Variants in SPMIP2 observed in about 807,000 individuals in gnomAD.
The protein encoded by SPMIP2 is sperm microtubule inner protein 2.
chr4:158,927,130 C>T, the SPMIP2 span, among the ~76,000 whole-genome samples: 3 of 152,168 alleles, frequency 2.0e-5, no homozygotes, highest in African/African-American at 7.2e-5. Flanking sequence ...GTTAGGTACA[C>T]ATTTATTTAT....
chr4:159,039,329 G>A, the SPMIP2 span, among the ~76,000 whole-genome samples: 1 of 152,200 alleles, frequency 6.6e-6, no homozygotes, highest in Non-Finnish European at 1.5e-5. Flanking sequence ...TAAGAAAAGC[G>A]AGGAGTCTGG....
chr4:158,934,659 C>T, the SPMIP2 span, among the ~76,000 whole-genome samples: 6 of 152,090 alleles, frequency 3.9e-5, no homozygotes, highest in Admixed American at 2.0e-4. Context: ...CCACCTGTCA[C>T]CCCTCAAAAT....
At chr4:158,910,950 A>G in the SPMIP2 span, among the ~76,000 whole-genome samples, 1 of 152,156 alleles carries the variant, frequency 6.6e-6, no homozygotes, top group African/African-American at 2.4e-5. Flanking sequence ...TACTTAGGAG[A>G]TCAGTCCAAT....
chr4:159,073,008 T>C, the SPMIP2 span, among the ~76,000 whole-genome samples: 3 of 152,206 alleles, frequency 2.0e-5, no homozygotes, highest in Admixed American at 1.3e-4. Context: ...GTGACATGTA[T>C]TGTTAATGCA....
At chr4:158,915,533 C>T in the SPMIP2 span, among the ~76,000 whole-genome samples, 18 of 152,342 alleles carry the variant, frequency 1.2e-4, no homozygotes, top group East Asian at 2.9e-3. Context: ...TCTCTCCACT[C>T]TACATCACTG....
At chr4:159,033,537 T>C in the SPMIP2 span, among the ~76,000 whole-genome samples, 2 of 152,296 alleles carry the variant, frequency 1.3e-5, no homozygotes, top group African/African-American at 4.8e-5. Flanking sequence ...TACAAGTGCA[T>C]AAAACAACCT....
At chr4:158,946,449 G>T in the SPMIP2 span, among the ~76,000 whole-genome samples, 1 of 152,128 alleles carries the variant, frequency 6.6e-6, no homozygotes, top group Non-Finnish European at 1.5e-5. Context: ...TGGATCATGG[G>T]GGCGGTTTCC....
the SPMIP2 span, among the ~76,000 whole-genome samples, chr4:159,061,762 G>A: frequency 6.7e-6 from 1 of 149,778 alleles, no homozygotes; most frequent in Non-Finnish European, 1.5e-5. Context: ...AGTGAGCTGA[G>A]ATTGCACCAC....
the SPMIP2 span, among the ~76,000 whole-genome samples, chr4:159,004,069 C>A: frequency 1.3e-5 from 2 of 151,238 alleles, no homozygotes; most frequent in East Asian, 1.9e-4. Flanking sequence ...CAGGCTGGAG[C>A]ACAGTGGCGC....
the SPMIP2 span, among the ~76,000 whole-genome samples, chr4:158,910,898 A>T: frequency 6.6e-6 from 1 of 152,170 alleles, no homozygotes; most frequent in Non-Finnish European, 1.5e-5. Context: ...CAACACACAC[A>T]TCATTGGTTC....
the SPMIP2 span, among the ~76,000 whole-genome samples, chr4:158,949,808 T>C: frequency 1.3e-5 from 2 of 152,234 alleles, no homozygotes; most frequent in Admixed American, 6.5e-5. Flanking sequence ...TCTAAGATTA[T>C]GAGCAGACAG....
At chr4:158,952,737 T>C in the SPMIP2 span, among the ~76,000 whole-genome samples, 6 of 152,162 alleles carry the variant, frequency 3.9e-5, no homozygotes, top group African/African-American at 1.2e-4. Flanking sequence ...AGAAACCTGA[T>C]AGCAACATGG....
chr4:158,937,546 T>A, the SPMIP2 span: 3 of 154,402 alleles, frequency 1.9e-5, no homozygotes, highest in Non-Finnish European at 4.4e-5. Context: ...AGTGGTGGCA[T>A]CCTGTTTAAA....
the SPMIP2 span, among the ~76,000 whole-genome samples, chr4:159,044,184 G>C: frequency 6.6e-6 from 1 of 151,790 alleles, no homozygotes; most frequent in East Asian, 1.9e-4. Flanking sequence ...CAGTGGCAAG[G>C]AAGTTTGAGC....
chr4:158,946,759 C>T, the SPMIP2 span, among the ~76,000 whole-genome samples: 2 of 152,184 alleles, frequency 1.3e-5, no homozygotes, highest in Non-Finnish European at 2.9e-5. Context: ...CCTTGTGGCA[C>T]CTACTATGAT....
the SPMIP2 span, chr4:158,906,591 A>AAACTC: frequency 6.6e-6 from 1 of 152,200 alleles, no homozygotes; most frequent in African/African-American, 2.4e-5. Context: ...TAATGTTCCA[A>AAACTC]AACTCACTCT....
chr4:159,065,455 C>T, the SPMIP2 span, among the ~76,000 whole-genome samples: 3 of 152,132 alleles, frequency 2.0e-5, no homozygotes, highest in Non-Finnish European at 2.9e-5. Flanking sequence ...TGTTGGCTCA[C>T]ACCTGTAATC....
the SPMIP2 span, among the ~76,000 whole-genome samples, chr4:158,911,816 ATG>A: frequency 6.6e-6 from 1 of 152,238 alleles, no homozygotes; most frequent in African/African-American, 2.4e-5. Flanking sequence ...GAGGAAAAGA[ATG>A]TATCAGTCAC....
chr4:159,040,073 C>T, the SPMIP2 span, among the ~76,000 whole-genome samples: 205 of 152,134 alleles, frequency 1.3e-3, no homozygotes, highest in African/African-American at 4.8e-3. Flanking sequence ...GCTTTGCCAC[C>T]GTTTAGCAGT....
Sources: allele counts gnomAD v4.1 joint callset (sites outside exome capture counted in the v4.1 genomes callset), GRCh38; gene constraint gnomAD v4.1.1; transcripts MANE v1.5; gene names NCBI Gene and HGNC (gene_info 2026-07-23, HGNC 2026-07-21).